Variants in ERV3-1 observed in about 807,000 individuals in gnomAD.
ERV3-1 encodes the protein endogenous retrovirus group 3 member 1 Env polyprotein.
A neutral mutation model predicts 24.6 loss-of-function variants in ERV3-1; 36 were observed. The ratio of observed to expected loss-of-function variants is 1.47; its 90% CI spans 1.12 to 1.94. ERV3-1 has a LOEUF of 1.94. Ranked by LOEUF, ERV3-1 falls within the 30% of genes most tolerant of loss-of-function variation. The pLI is 0.00. For synonymous variants in ERV3-1, 211 were observed against 122.6 expected (o/e 1.72, Z -4.76); for missense variants, 578 against 330.9 (o/e 1.75, Z -5.79).
intron 1 of ERV3-1, chr7:65,003,837 T>C (rs892694062): frequency 6.6e-6 from 1 of 152,210 alleles, no homozygotes. Context: ...ATCAAGATGA[T>C]AGAGTACAGA....
At chr7:65,000,570 T>C (rs1786500192) in intron 1 of ERV3-1, among the ~76,000 whole-genome samples, 1 of 152,112 alleles carries the variant, frequency 6.6e-6, no homozygotes, top group South Asian at 2.1e-4. Flanking sequence ...CCTGAGGTCA[T>C]AAGTTTGAAA....
intron 1 of ERV3-1, among the ~76,000 whole-genome samples, chr7:64,997,357 C>T (rs1246908971): frequency 1.3e-5 from 2 of 152,204 alleles, no homozygotes; most frequent in African/African-American, 4.8e-5. Context: ...CTGGGCCTGT[C>T]CTACAAACTC....
Position 64,990,822 on chromosome 7 carries a change from T to C in ERV3-1, c.*390A>G, listed in dbSNP as rs1235534505. Reference sequence around the variant, plus strand: ...CCCTGCCTGGCCTTGCAGATAATTATCATAGCTCCAGCAGGACTTTGGAGT... The same window carrying C: ...CCCTGCCTGGCCTTGCAGATAATTACCATAGCTCCAGCAGGACTTTGGAGT... On this transcript the variant is annotated 3_prime_UTR_variant, in exon 2 of 2. Coordinates refer to ENST00000394323, the MANE Select transcript of ERV3-1 (RefSeq NM_001007253.4). 1 of 157,068 alleles carries C rather than the reference T, an allele frequency of 6.4e-6. No homozygotes were observed. Among genetic ancestry groups the C allele is most frequent in the African/African-American group, 2.4e-5 (1 of 41,636 alleles). 9.7% of individuals were successfully genotyped at this position (157,068 alleles called of 1,614,324 possible).
Position 64,993,199 on chromosome 7 carries a change from C to G in ERV3-1, c.-173G>C, listed in dbSNP as rs1046504473. ...ATAGACTAGTCAGCTTCTGGGGTGA[C>G]TAGAGCAGGGCTGTTGTCTCCTCAA... On this transcript the variant is annotated 5_prime_UTR_variant, in exon 2 of 2. Transcript: ENST00000394323. The G allele has an allele frequency of 2.2e-5, 13 of 589,318 alleles. No individual in the cohort carries two copies. Among genetic ancestry groups the G allele is most frequent in the African/African-American group, 3.7e-5 (2 of 53,666 alleles). The allele number at this position is 589,318 out of a possible 1,614,324, so 36.5% of individuals were successfully genotyped here. A position where few individuals can be genotyped will look rare whatever the true frequency, so the allele number is the denominator to read the frequency against.
At chr7:64,994,050 C>G (rs921637060) in intron 1 of ERV3-1, among the ~76,000 whole-genome samples, 1 of 151,952 alleles carries the variant, frequency 6.6e-6, no homozygotes, top group African/African-American at 2.4e-5. Flanking sequence ...CTTGGCCCAT[C>G]CTGAAAAGGT....
chr7:64,991,193 T>G lies in ERV3-1; in HGVS notation c.*19A>C, dbSNP rs764865889. 1 of 727,430 alleles carries G rather than the reference T, an allele frequency of 1.4e-6. No homozygotes were observed. The highest frequency in any genetic ancestry group is 1.5e-5 in the South Asian group (1 of 67,614). The allele number at this position is 727,430 out of a possible 1,614,324, so 45.1% of individuals were successfully genotyped here. On this transcript the variant is annotated 3_prime_UTR_variant, in exon 2 of 2. Coordinates refer to ENST00000394323, the MANE Select transcript of ERV3-1 (RefSeq NM_001007253.4). Reference sequence around the variant, plus strand: ...CCTCCAAGGGATGAGAACCAACCTCTGAAAAGGGAATCTGGAGACTATCCT... The same window carrying G: ...CCTCCAAGGGATGAGAACCAACCTCGGAAAAGGGAATCTGGAGACTATCCT...
chr7:64,992,145 G>A lies in ERV3-1; in HGVS notation c.882C>T (p.Val294=), dbSNP rs755403532. The A allele has an allele frequency of 2.6e-6, 2 of 766,344 alleles. No homozygotes were observed. Among genetic ancestry groups the A allele is most frequent in the Non-Finnish European group, 4.8e-6 (2 of 417,916 alleles). The allele number at this position is 766,344 out of a possible 1,614,324, so 47.5% of individuals were successfully genotyped here. A position where few individuals can be genotyped will look rare whatever the true frequency, so the allele number is the denominator to read the frequency against. The change falls in exon 2 of 2, where the codon GTC becomes GTT. Residue 294 remains valine (V), a synonymous_variant. Coordinates refer to ENST00000394323, the MANE Select transcript of ERV3-1 (RefSeq NM_001007253.4). ...GGTCTCCCATGTTCATTCCCCCACA[G>A]ACATAACATGAAGCAACGTGCAGGC... ...ASSLHVASCY[V]CGGMNMGDQW...
Position 64,991,571 on chromosome 7 carries a change from C to G in ERV3-1, c.1456G>C (p.Glu486Gln). Residue 486 changes from glutamate (E) to glutamine (Q), a missense_variant, in exon 2 of 2, where the codon GAA becomes CAA. Coordinates refer to ENST00000394323, the MANE Select transcript of ERV3-1 (RefSeq NM_001007253.4). The stretch of plus-strand genomic sequence containing the variant: ...GGGCCATAATATTGAATTATTCTTT[C>G]AGGAGGCCATTCATTGTCCTTCCAA... ...GDWKDNEWPP[E>Q]RIIQYYGPAT... 1 of 704,128 alleles carries G rather than the reference C, an allele frequency of 1.4e-6. No individual in the cohort carries two copies. Among genetic ancestry groups the G allele is most frequent in the East Asian group, 2.7e-5 (1 of 37,286 alleles). 43.6% of individuals were successfully genotyped at this position (704,128 alleles called of 1,614,324 possible).
At position 64,992,151 on chromosome 7, in the gene ERV3-1, A is replaced by G. The variant is rs554087460; in HGVS notation, c.876T>C (p.Cys292=). The change falls in exon 2 of 2, where the codon TGT becomes TGC. Residue 292 remains cysteine, a synonymous_variant. Coordinates refer to ENST00000394323, the MANE Select transcript of ERV3-1 (RefSeq NM_001007253.4). ...NIASSLHVAS[C]YVCGGMNMGD... is the part of the protein sequence containing the mutation. ...CCATGTTCATTCCCCCACAGACATA[A>G]CATGAAGCAACGTGCAGGCTGCTGG... is the stretch of plus-strand genomic sequence containing the variant. 2.7e-5 allele frequency: 21 copies of G among 766,334 alleles called. No homozygotes were observed. The highest frequency in any genetic ancestry group is 4.8e-5 in the Non-Finnish European group (20 of 417,892). The allele number at this position is 766,334 out of a possible 1,614,324, so 47.5% of individuals were successfully genotyped here. A position where few individuals can be genotyped will look rare whatever the true frequency, so the allele number is the denominator to read the frequency against.
At chr7:65,004,382 A>C (rs1786592343) in intron 1 of ERV3-1, 2 of 152,330 alleles carry the variant, frequency 1.3e-5, no homozygotes, top group South Asian at 4.1e-4. Context: ...CAAAACAAAA[A>C]CAAAAACACA....
Position 64,991,630 on chromosome 7 carries a change from T to G in ERV3-1, c.1397A>C (p.Lys466Thr). Residue 466 changes from lysine (K) to threonine (T), a missense_variant, in exon 2 of 2, where the codon AAA becomes ACA. Transcript: ENST00000394323. ...ALGYPIYDET[K>T]RKSKRGITIG... Reference sequence around the variant, plus strand: ...AGTTATGCCTCTTTTGCTTTTCCTTTTAGTTTCATCATAGATGGGGTATCC... The same window carrying G: ...AGTTATGCCTCTTTTGCTTTTCCTTGTAGTTTCATCATAGATGGGGTATCC... The G allele has an allele frequency of 5.7e-6, 4 of 704,696 alleles. No individual in the cohort carries two copies. Among genetic ancestry groups the G allele is most frequent in the Non-Finnish European group, 5.2e-6 (2 of 385,278 alleles). 43.7% of individuals were successfully genotyped at this position (704,696 alleles called of 1,614,324 possible). A position where few individuals can be genotyped will look rare whatever the true frequency, so the allele number is the denominator to read the frequency against.
intron 1 of ERV3-1, among the ~76,000 whole-genome samples, chr7:64,999,386 A>G (rs1786472330): frequency 6.6e-6 from 1 of 152,226 alleles, no homozygotes; most frequent in African/African-American, 2.4e-5. Flanking sequence ...TTGGTGGAAC[A>G]GGAGGATTTT....
At chr7:65,001,297 G>A (rs1160144848) in intron 1 of ERV3-1, among the ~76,000 whole-genome samples, 2 of 152,194 alleles carry the variant, frequency 1.3e-5, no homozygotes, top group African/African-American at 4.8e-5. Flanking sequence ...TGTCCATGCA[G>A]GCAGATGAGA....
At chr7:64,994,740 G>C (rs1786367876) in intron 1 of ERV3-1, among the ~76,000 whole-genome samples, 1 of 152,208 alleles carries the variant, frequency 6.6e-6, no homozygotes, top group South Asian at 2.1e-4. Context: ...TGTGGCAAAA[G>C]CATATTTGGA....
Position 64,992,068 on chromosome 7 carries a change from G to T in ERV3-1, c.959C>A (p.Thr320Asn). Residue 320 changes from threonine (T) to asparagine (N), a missense_variant, in exon 2 of 2, where the codon ACC becomes AAC. Coordinates refer to ENST00000394323, the MANE Select transcript of ERV3-1 (RefSeq NM_001007253.4). The part of the protein sequence containing the change: ...ELMPQDNFTL[T>N]ASSLEPAPSS... Reference sequence around the variant, plus strand: ...TGGTGCAGGTTCGAGGGAAGAGGCGGTTAGTGTGAAATTATCTTGGGGCAT... The same window carrying T: ...TGGTGCAGGTTCGAGGGAAGAGGCGTTTAGTGTGAAATTATCTTGGGGCAT... The T allele has an allele frequency of 1.3e-6, 1 of 766,374 alleles. No individual in the cohort carries two copies. The highest frequency in any genetic ancestry group is 2.4e-5 in the East Asian group (1 of 41,238). 47.5% of individuals were successfully genotyped at this position (766,374 alleles called of 1,614,324 possible).
intron 1 of ERV3-1, among the ~76,000 whole-genome samples, chr7:64,995,449 CTTCT>C (rs1180260330): frequency 1.3e-5 from 2 of 152,218 alleles, no homozygotes; most frequent in East Asian, 3.9e-4. Flanking sequence ...TGAGTTAGGG[CTTCT>C]TTGATTTGTT....
At chr7:64,995,831 G>T (rs573622864) in intron 1 of ERV3-1, among the ~76,000 whole-genome samples, 1 of 152,352 alleles carries the variant, frequency 6.6e-6, no homozygotes, top group African/African-American at 2.4e-5. Flanking sequence ...AAAGAAGGTT[G>T]TCTATGTACT....
Position 64,991,576 on chromosome 7 carries a change from G to C in ERV3-1, c.1451C>G (p.Pro484Arg), listed in dbSNP as rs774139676. Residue 484 changes from proline to arginine, a missense_variant, in exon 2 of 2, where the codon CCT (proline) becomes CGT (arginine). Coordinates refer to ENST00000394323, the MANE Select transcript of ERV3-1 (RefSeq NM_001007253.4). Reference sequence around the variant, plus strand: ...ATAATATTGAATTATTCTTTCAGGAGGCCATTCATTGTCCTTCCAATCTCC... The same window carrying C: ...ATAATATTGAATTATTCTTTCAGGACGCCATTCATTGTCCTTCCAATCTCC... Reference protein sequence around the residue: ...TIGDWKDNEWPPERIIQYYGP... With the variant: ...TIGDWKDNEWRPERIIQYYGP... The C allele has an allele frequency of 1.4e-6, 1 of 704,042 alleles. No homozygotes were observed. The highest frequency in any genetic ancestry group is 1.7e-5 in the African/African-American group (1 of 57,338). The allele number at this position is 704,042 out of a possible 1,614,324, so 43.6% of individuals were successfully genotyped here.
intron 1 of ERV3-1, among the ~76,000 whole-genome samples, chr7:65,002,585 C>A (rs561045730): frequency 1.2e-4 from 18 of 152,226 alleles, no homozygotes; most frequent in Non-Finnish European, 2.4e-4. Context: ...GCCTTGGCCT[C>A]CCAAAGTGCT....
Sources: gnomAD v4.1 joint callset for allele counts (sites outside exome capture counted in the v4.1 genomes callset) on GRCh38, gnomAD v4.1.1 for gene constraint, MANE v1.5 for transcripts, NCBI Gene and HGNC (gene_info 2026-07-23, HGNC 2026-07-21) for gene names.